The following NIPAL3 variants were observed in gnomAD, a reference collection of about 807,000 sequenced individuals.
NIPAL3 encodes NIPA-like protein 3.
Under a neutral mutation model 47.2 loss-of-function variants are expected in NIPAL3, and 41 were observed. That is an observed-to-expected ratio of 0.87 (90% CI 0.68 to 1.13). The LOEUF is 1.13. Ranked by LOEUF, NIPAL3 falls within the 50% of genes most tolerant of loss-of-function variation. The pLI, the probability that NIPAL3 is intolerant of heterozygous loss-of-function variation, is 0.00. For synonymous variants in NIPAL3, 194 were observed against 209.6 expected (o/e 0.93, Z 0.64); for missense variants, 449 against 530.1 (o/e 0.85, Z 1.50).
At chr1:24,420,739 A>G (rs113116227) in intron 2 of NIPAL3, among the ~76,000 whole-genome samples, 3 of 152,150 alleles carry the variant, frequency 2.0e-5, no homozygotes, top group African/African-American at 7.2e-5. Context: ...ATGATTGCCC[A>G]ATAATCCGTT....
At chr1:24,438,199 C>T (rs1008485) in intron 2 of NIPAL3, among the ~76,000 whole-genome samples, 41,952 of 152,132 alleles carry the variant, frequency 0.28, 5,975 homozygotes, top group East Asian at 0.45. Context: ...CCTGTCATCC[C>T]ACAGGAAGGA....
At chr1:24,460,842 T>C (rs1341759224) in intron 10 of NIPAL3, among the ~76,000 whole-genome samples, 2 of 152,172 alleles carry the variant, frequency 1.3e-5, no homozygotes, top group East Asian at 1.9e-4. Flanking sequence ...TGAGATACCA[T>C]CATTTTGCAA....
Position 24,416,554 on chromosome 1 carries a change from G to A in NIPAL3, c.-258+650G>A, listed in dbSNP as rs1312287587. The A allele has an allele frequency of 6.4e-6, 1 of 157,138 alleles. No homozygotes were observed. Among genetic ancestry groups the A allele is most frequent in the African/African-American group, 2.4e-5 (1 of 41,512 alleles). The allele number at this position is 157,138 out of a possible 1,614,324, so 9.7% of individuals were successfully genotyped here. A position where few individuals can be genotyped will look rare whatever the true frequency, so the allele number is the denominator to read the frequency against. ...AATCCGTCATCGAGATAAACGGGGT[G>A]GGAATGGAAGCAGAGCACCTAGTGA... On this transcript the variant is annotated intron_variant, in intron 1 of 11. Transcript: ENST00000374399. The surrounding 1 kb of genome is among the most constrained non-coding windows in gnomAD (Gnocchi z 4.8).
At chr1:24,452,142 C>T (rs1645967141) in intron 6 of NIPAL3, among the ~76,000 whole-genome samples, 1 of 152,140 alleles carries the variant, frequency 6.6e-6, no homozygotes, top group Non-Finnish European at 1.5e-5. Flanking sequence ...GCTTTAGTTG[C>T]ACTGGGCGCT....
At chr1:24,431,642 G>A (rs1644882758) in intron 2 of NIPAL3, among the ~76,000 whole-genome samples, 1 of 152,108 alleles carries the variant, frequency 6.6e-6, no homozygotes, top group African/African-American at 2.4e-5. Context: ...CCAATGTCTT[G>A]GAATAGGGCT....
intron 11 of NIPAL3, among the ~76,000 whole-genome samples, chr1:24,468,295 A>G (rs922241779): frequency 6.6e-6 from 1 of 152,166 alleles, no homozygotes; most frequent in Non-Finnish European, 1.5e-5. Flanking sequence ...AGCCTGGGCG[A>G]CAGAGCAAGA....
At chr1:24,438,229 G>A (rs115436774) in intron 2 of NIPAL3, among the ~76,000 whole-genome samples, 2,005 of 152,326 alleles carry the variant, frequency 0.013, 22 homozygotes, top group Middle Eastern at 0.037. Flanking sequence ...CCTGCAGGTG[G>A]CTTTATTCTG....
chr1:24,430,164 T>C (rs1644811575), intron 2 of NIPAL3, among the ~76,000 whole-genome samples: 1 of 152,220 alleles, frequency 6.6e-6, no homozygotes. Context: ...GCTAAAGTGC[T>C]AAGAACTTTA....
chr1:24,440,453 T>G (rs1645326731), intron 3 of NIPAL3, among the ~76,000 whole-genome samples: 1 of 152,200 alleles, frequency 6.6e-6, no homozygotes, highest in Admixed American at 6.5e-5. Flanking sequence ...AGGTCCTCAC[T>G]GTCTCTCCTT....
intron 11 of NIPAL3, chr1:24,466,177 G>C: frequency 4.5e-6 from 6 of 1,340,712 alleles, no homozygotes; most frequent in Non-Finnish European, 6.2e-6. Context: ...TCTCAGCCAG[G>C]CCTTGGCCCT....
chr1:24,425,526 C>T (rs902734276), intron 2 of NIPAL3, among the ~76,000 whole-genome samples: 4 of 151,984 alleles, frequency 2.6e-5, no homozygotes, highest in Non-Finnish European at 2.9e-5. Flanking sequence ...AGACAGAATT[C>T]GACACAAAAA....
At chr1:24,445,088 C>G in intron 4 of NIPAL3, 97 bp from the exon 5 acceptor site, 1 of 761,914 alleles carries the variant, frequency 1.3e-6, no homozygotes, top group South Asian at 1.6e-5. Flanking sequence ...AAGTACCAAG[C>G]TCCAATGCAA....
At chr1:24,453,350 C>T in intron 6 of NIPAL3, 58 bp from the exon 7 acceptor site, 1 of 1,268,862 alleles carries the variant, frequency 7.9e-7, no homozygotes, top group Admixed American at 1.8e-5. Context: ...ACCAGGGTCT[C>T]CCGGTCTCGC....
chr1:24,467,961 C>T (rs768591210), intron 11 of NIPAL3, among the ~76,000 whole-genome samples: 1 of 152,090 alleles, frequency 6.6e-6, no homozygotes, highest in Non-Finnish European at 1.5e-5. Flanking sequence ...TCTTATGACT[C>T]GGCCTGAAGG....
chr1:24,469,223 C>A lies in NIPAL3; in HGVS notation c.*38C>A, dbSNP rs751639464. On this transcript the variant is annotated 3_prime_UTR_variant, in exon 12 of 12. Coordinates refer to ENST00000374399, the MANE Select transcript of NIPAL3 (RefSeq NM_020448.5). Reference sequence around the variant, plus strand: ...TCTATTTATAACTGTCCCCTCCAGGCTGACAGTGGTTCAACCCTGAATCCT... The same window carrying A: ...TCTATTTATAACTGTCCCCTCCAGGATGACAGTGGTTCAACCCTGAATCCT... 1.3e-6 allele frequency: 2 copies of A among 1,558,128 alleles called. No homozygotes were observed. The highest frequency in any genetic ancestry group is 1.8e-6 in the Non-Finnish European group (2 of 1,140,330).
At chr1:24,455,108 G>C (rs928978429) in intron 7 of NIPAL3, among the ~76,000 whole-genome samples, 4 of 152,194 alleles carry the variant, frequency 2.6e-5, no homozygotes, top group Admixed American at 6.5e-5. Flanking sequence ...CTGCGTGTTG[G>C]GGGTGTTGGC....
intron 5 of NIPAL3, among the ~76,000 whole-genome samples, chr1:24,446,266 C>A (rs897755057): frequency 5.9e-5 from 9 of 151,944 alleles, no homozygotes; most frequent in African/African-American, 2.2e-4. Context: ...TGATTTTTCC[C>A]CCCAACTTTT....
chr1:24,463,795 T>C (rs1646578908), intron 10 of NIPAL3, among the ~76,000 whole-genome samples: 1 of 152,118 alleles, frequency 6.6e-6, no homozygotes, highest in Non-Finnish European at 1.5e-5. Flanking sequence ...TGATTACAGC[T>C]CATGGAGAGT....
At chr1:24,427,190 T>G (rs1227363888) in intron 2 of NIPAL3, among the ~76,000 whole-genome samples, 2 of 152,186 alleles carry the variant, frequency 1.3e-5, no homozygotes, top group Admixed American at 6.5e-5. Context: ...CATTTATGGT[T>G]TCCAACCTGA....
Sources: allele counts gnomAD v4.1 joint callset (sites outside exome capture counted in the v4.1 genomes callset), GRCh38; gene constraint gnomAD v4.1.1; non-coding constraint Gnocchi (gnomAD v3.1); transcripts MANE v1.5; gene names NCBI Gene and HGNC (gene_info 2026-07-23, HGNC 2026-07-21).